Variants in CNN1 observed in about 807,000 individuals in gnomAD.
CNN1 encodes calponin-1.
A neutral mutation model predicts 35.3 loss-of-function variants in CNN1; 21 were observed. That is an observed-to-expected ratio of 0.60 (90% CI 0.42 to 0.86). The LOEUF (loss-of-function observed/expected upper bound fraction) is 0.86. CNN1 is among the 40% of genes least tolerant of loss of function. The pLI, the probability that CNN1 is intolerant of heterozygous loss-of-function variation, is 0.00. For missense variants in CNN1, 314 were observed against 400.8 expected (o/e 0.78, Z 1.85); for synonymous variants, 164 against 161.8 (o/e 1.01, Z -0.10).
rs113965388 is a variant in CNN1, at chr19:11,547,910, A to G, written c.501+3A>G. 6.2e-7 allele frequency: 1 copy of G among 1,612,232 alleles called. No individual in the cohort carries two copies. Among genetic ancestry groups the G allele is most frequent in the Non-Finnish European group, 8.5e-7 (1 of 1,178,920 alleles). On this transcript the variant is annotated splice_donor_region_variant and intron_variant, in intron 5 of 6. Transcript: ENST00000252456. ...GGCGGAACATCATTGGGCTGCAGGT[A>G]CCGCCCTGTCCTCACTGCGCAGAGG...
intron 2 of CNN1, among the ~76,000 whole-genome samples, chr19:11,541,615 G>A (rs946571474): frequency 2.0e-5 from 3 of 152,130 alleles, no homozygotes; most frequent in African/African-American, 7.2e-5. Context: ...TTGAGATACA[G>A]TCTTGTTCTG....
chr19:11,541,054 C>G (rs370087921), intron 1 of CNN1, 22 bp from the exon 2 acceptor site: 10 of 1,587,352 alleles, frequency 6.3e-6, no homozygotes, highest in Non-Finnish European at 8.6e-6. Flanking sequence ...TCTCTGTGCC[C>G]CCTGCCCTCC....
intron 5 of CNN1, among the ~76,000 whole-genome samples, chr19:11,548,557 G>A (rs959426520): frequency 6.7e-6 from 1 of 150,292 alleles, no homozygotes; most frequent in Non-Finnish European, 1.5e-5. Context: ...ATGAAAATGG[G>A]CTGGGTATGG....
At chr19:11,544,967 G>A (rs1972548327) in intron 2 of CNN1, among the ~76,000 whole-genome samples, 1 of 152,084 alleles carries the variant, frequency 6.6e-6, no homozygotes, top group Admixed American at 6.6e-5. Context: ...GGGAGGCTGA[G>A]GTGGGCATAT....
intron 2 of CNN1, among the ~76,000 whole-genome samples, chr19:11,542,937 C>G (rs1037586945): frequency 6.6e-6 from 1 of 152,156 alleles, no homozygotes; most frequent in Non-Finnish European, 1.5e-5. Context: ...GCATTTGAGT[C>G]TGACCCAGGG....
chr19:11,544,659 C>CG (rs1346410058), intron 2 of CNN1, among the ~76,000 whole-genome samples: 1 of 144,158 alleles, frequency 6.9e-6, no homozygotes, highest in East Asian at 2.1e-4. Flanking sequence ...GTGAAGTTTT[C>CG]GGGTTTTTTT....
chr19:11,539,360 C>T, intron 1 of CNN1: 1 of 1,080,562 alleles, frequency 9.3e-7, no homozygotes, highest in Non-Finnish European at 1.1e-6. Flanking sequence ...CGCTTGAGTG[C>T]TGGGGTACCT....
intron 1 of CNN1, chr19:11,539,362 G>T: frequency 9.2e-7 from 1 of 1,081,836 alleles, no homozygotes; most frequent in Non-Finnish European, 1.1e-6. Context: ...CTTGAGTGCT[G>T]GGGTACCTGG....
intron 5 of CNN1, 27 bp downstream of exon 5, chr19:11,547,934 G>A: frequency 6.3e-7 from 1 of 1,589,612 alleles, no homozygotes; most frequent in Non-Finnish European, 8.6e-7. Context: ...ACTGCGCAGA[G>A]GTCATAGAGG....
rs903697679 is a variant in CNN1, at chr19:11,538,854, G to A, written c.-74G>A. 24 of 1,311,144 alleles carry A rather than the reference G, an allele frequency of 1.8e-5. No individual in the cohort carries two copies. Among genetic ancestry groups the A allele is most frequent in the Non-Finnish European group, 2.4e-5 (23 of 978,070 alleles). The allele number at this position is 1,311,144 out of a possible 1,614,324, so 81.2% of individuals were successfully genotyped here. ...ACATGTGAGGAGGGAAGAGTGTGCAGACGGAACTTCAGCCGCTGCCTCTGT... is the reference window on the plus strand; with the variant it reads ...ACATGTGAGGAGGGAAGAGTGTGCAAACGGAACTTCAGCCGCTGCCTCTGT... On this transcript the variant is annotated 5_prime_UTR_variant, in exon 1 of 7. Coordinates refer to ENST00000252456, the MANE Select transcript of CNN1 (RefSeq NM_001299.6).
At chr19:11,541,380 A>G (rs7246946) in intron 2 of CNN1, among the ~76,000 whole-genome samples, 183 bp downstream of exon 2, 11,855 of 152,136 alleles carry the variant, frequency 0.078, 1,027 homozygotes, top group African/African-American at 0.22. Flanking sequence ...GGTGAAATGC[A>G]TTGCACCAAG....
chr19:11,539,047 G>A (rs778860061), intron 1 of CNN1, 57 bp downstream of exon 1: 4 of 1,435,764 alleles, frequency 2.8e-6, no homozygotes, highest in Non-Finnish European at 3.7e-6. Flanking sequence ...CCAGAGCCCT[G>A]AGCTTGGGGT....
Position 11,546,811 on chromosome 19 carries a change from C to A in CNN1, c.253-21C>A, listed in dbSNP as rs139732050. 3.0e-3 allele frequency: 4,907 copies of A among 1,614,166 alleles called. 21 individuals are homozygous for A. Among genetic ancestry groups the A allele is most frequent in the Middle Eastern group, 8.9e-3 (54 of 6,060 alleles). ...CAGACCTCCCCTCCCCACCCAGTGACCACCACCTGCCCCCCTCTAGCTGGA... is the reference window on the plus strand; with the variant it reads ...CAGACCTCCCCTCCCCACCCAGTGAACACCACCTGCCCCCCTCTAGCTGGA... On this transcript the variant is annotated intron_variant, in intron 3 of 6. Transcript: ENST00000252456.
At position 11,538,877 on chromosome 19, in the gene CNN1, T is replaced by C. The variant is rs8109708; in HGVS notation, c.-51T>C. On this transcript the variant is annotated 5_prime_UTR_variant, in exon 1 of 7. Transcript: ENST00000252456. Reference sequence around the variant, plus strand: ...CAGACGGAACTTCAGCCGCTGCCTCTGTTCTCAGCGTCAGTGCCGCCACTG... The same window carrying C: ...CAGACGGAACTTCAGCCGCTGCCTCCGTTCTCAGCGTCAGTGCCGCCACTG... 6.9e-7 allele frequency: 1 copy of C among 1,447,284 alleles called. No homozygotes were observed. The highest frequency in any genetic ancestry group is 1.4e-5 in the South Asian group (1 of 70,630). The allele number at this position is 1,447,284 out of a possible 1,614,324, so 89.7% of individuals were successfully genotyped here.
In CNN1 at chr19:11,539,816, G is replaced by C. The variant is rs1025707359; in HGVS notation, c.63+826G>C. The C allele has an allele frequency of 2.6e-6, 3 of 1,150,266 alleles. 1 individual carries two copies. The highest frequency in any genetic ancestry group is 4.1e-4 in the Middle Eastern group (1 of 2,458). The allele number at this position is 1,150,266 out of a possible 1,614,324, so 71.3% of individuals were successfully genotyped here. A position where few individuals can be genotyped will look rare whatever the true frequency, so the allele number is the denominator to read the frequency against. ...AGGGATCTCGGGGCTGGAGGAGGGG[G>C]CTGGTGGGGGGCGGGTCCTCGGGCG... On this transcript the variant is annotated intron_variant, in intron 1 of 6. Transcript: ENST00000252456.
At chr19:11,543,604 C>A (rs1972513446) in intron 2 of CNN1, among the ~76,000 whole-genome samples, 1 of 150,914 alleles carries the variant, frequency 6.6e-6, no homozygotes, top group African/African-American at 2.4e-5. Context: ...CACGGTGAAA[C>A]CCTGTCTCTA....
intron 2 of CNN1, among the ~76,000 whole-genome samples, chr19:11,544,854 G>T (rs1972546344): frequency 6.6e-6 from 1 of 151,860 alleles, no homozygotes; most frequent in Non-Finnish European, 1.5e-5. Flanking sequence ...TGAAGGCAAT[G>T]GGAGGCTCCT....
At chr19:11,545,624 G>A (rs1419371056) in intron 2 of CNN1, among the ~76,000 whole-genome samples, 1 of 151,878 alleles carries the variant, frequency 6.6e-6, no homozygotes, top group Admixed American at 6.6e-5. Flanking sequence ...GCAGGGAGAT[G>A]AGGGAGTTGC....
At chr19:11,546,101 C>T (rs1972575529) in intron 2 of CNN1, among the ~76,000 whole-genome samples, 1 of 152,174 alleles carries the variant, frequency 6.6e-6, no homozygotes, top group Non-Finnish European at 1.5e-5. Flanking sequence ...AGTGAGGCTT[C>T]GGAGATCCCA....
Sources: allele counts gnomAD v4.1 joint callset (sites outside exome capture counted in the v4.1 genomes callset), GRCh38; gene constraint gnomAD v4.1.1; transcripts MANE v1.5; gene names NCBI Gene and HGNC (gene_info 2026-07-23, HGNC 2026-07-21).